The following NPAS3 variants were observed in gnomAD, a reference collection of about 807,000 sequenced individuals.
The protein encoded by NPAS3 is neuronal PAS domain protein 3, also known as neuronal PAS domain-containing protein 3.
Under a neutral mutation model 73.1 loss-of-function variants are expected in NPAS3, and 14 were observed. The observed-to-expected ratio is 0.19, with a 90% CI of 0.13 to 0.30. The LOEUF (loss-of-function observed/expected upper bound fraction) is 0.30. Among genes scored for constraint, NPAS3 ranks in the 10% least tolerant of loss-of-function variants. The probability of loss-of-function intolerance (pLI) is 1.00; values close to 1 mark genes in which losing one functional copy is unlikely to be tolerated. For synonymous variants in NPAS3, 620 were observed against 541.5 expected, an observed-to-expected ratio of 1.14 and a Z score of -2.01; for missense variants, 1,096 against 1,250.0, an observed-to-expected ratio of 0.88 and a Z score of 1.86.
intron 2 of NPAS3, among the ~76,000 whole-genome samples, chr14:33,096,095 A>C (rs2042411590): frequency 6.9e-6 from 1 of 144,626 alleles, no homozygotes; most frequent in Non-Finnish European, 1.5e-5. Context: ...GGAAACTTTC[A>C]CCCTCCCCTT....
At chr14:33,308,522 A>ATG (rs2042852948) in intron 3 of NPAS3, among the ~76,000 whole-genome samples, 2 of 60,132 alleles carry the variant, frequency 3.3e-5, no homozygotes, top group Non-Finnish European at 6.6e-5. Context: ...ATATATATAT[A>ATG]TATATACATA....
intron 4 of NPAS3, among the ~76,000 whole-genome samples, chr14:33,373,105 A>C (rs181216425): frequency 1.2e-4 from 19 of 152,376 alleles, no homozygotes; most frequent in African/African-American, 4.6e-4. Context: ...AAGTCATAAA[A>C]TTAACTACTG....
intron 1 of NPAS3, among the ~76,000 whole-genome samples, chr14:32,995,539 ATCTTGTAAG>A: frequency 6.6e-6 from 1 of 152,314 alleles, no homozygotes; most frequent in African/African-American, 2.4e-5. Flanking sequence ...CCCAAATCTC[ATCTTGTAAG>A]TCTCACAATT....
chr14:33,673,263 G>A (rs2059663233), intron 5 of NPAS3, among the ~76,000 whole-genome samples: 1 of 152,168 alleles, frequency 6.6e-6, no homozygotes, highest in Admixed American at 6.5e-5. Context: ...AGGTCAAGTG[G>A]GCTCTGAACC....
chr14:33,442,221 A>T (rs1051773650), intron 4 of NPAS3, among the ~76,000 whole-genome samples: 5 of 152,156 alleles, frequency 3.3e-5, no homozygotes, highest in East Asian at 1.9e-4. Context: ...TTTAGCAGCC[A>T]CTTCACTGTT....
chr14:33,655,135 C>T (rs147631990), intron 5 of NPAS3, among the ~76,000 whole-genome samples: 741 of 152,132 alleles, frequency 4.9e-3, no homozygotes, highest in Middle Eastern at 0.017. Flanking sequence ...TATACATGAA[C>T]CTGGAGGGAA....
intron 6 of NPAS3, among the ~76,000 whole-genome samples, chr14:33,690,202 G>C (rs2060196921): frequency 6.6e-6 from 1 of 152,100 alleles, no homozygotes; most frequent in Non-Finnish European, 1.5e-5. Context: ...AGAATGGTGT[G>C]GCGGTACTCG....
chr14:33,557,164 G>A (rs1207264450), intron 4 of NPAS3, among the ~76,000 whole-genome samples: 1 of 125,864 alleles, frequency 7.9e-6, no homozygotes, highest in Non-Finnish European at 1.7e-5. Context: ...CTGCTTCAAA[G>A]TGAGGTTCCG....
chr14:33,469,724 CT>C (rs1444048164), intron 4 of NPAS3, among the ~76,000 whole-genome samples: 1 of 152,086 alleles, frequency 6.6e-6, no homozygotes, highest in Non-Finnish European at 1.5e-5. Flanking sequence ...TGAACACTCT[CT>C]TCTTAATTTG....
At chr14:33,165,963 T>C (rs2045124495) in intron 2 of NPAS3, among the ~76,000 whole-genome samples, 1 of 152,182 alleles carries the variant, frequency 6.6e-6, no homozygotes, top group Non-Finnish European at 1.5e-5. Context: ...ATAGAAGAAT[T>C]GTCCTGCCTT....
intron 2 of NPAS3, among the ~76,000 whole-genome samples, chr14:33,150,379 C>A (rs1188116960): frequency 1.3e-5 from 2 of 152,316 alleles, no homozygotes; most frequent in East Asian, 3.9e-4. Context: ...AAGACTCAAG[C>A]AAACCATTGT....
At chr14:33,754,451 C>T (rs1200419159) in intron 7 of NPAS3, among the ~76,000 whole-genome samples, 3 of 152,156 alleles carry the variant, frequency 2.0e-5, no homozygotes, top group African/African-American at 7.2e-5. Flanking sequence ...CCTCTCTGAC[C>T]TCATGTTCGT....
chr14:32,942,853 T>C (rs1328964938), intron 1 of NPAS3, among the ~76,000 whole-genome samples: 1 of 152,146 alleles, frequency 6.6e-6, no homozygotes, highest in African/African-American at 2.4e-5. Flanking sequence ...GGCCTTCATA[T>C]CACAAGGCCA....
At chr14:33,052,304 C>T (rs1246719178) in intron 1 of NPAS3, among the ~76,000 whole-genome samples, 1 of 152,134 alleles carries the variant, frequency 6.6e-6, no homozygotes, top group Non-Finnish European at 1.5e-5. Context: ...CAGTTGTTCT[C>T]TGGTAGCTTA....
intron 5 of NPAS3, among the ~76,000 whole-genome samples, chr14:33,633,043 C>A (rs556357912): frequency 1.1e-4 from 16 of 152,230 alleles, no homozygotes; most frequent in African/African-American, 3.1e-4. Context: ...TAAAAAATAA[C>A]ACAAGTTTAA....
At chr14:33,268,774 T>C (rs960752145) in intron 3 of NPAS3, among the ~76,000 whole-genome samples, 2 of 152,180 alleles carry the variant, frequency 1.3e-5, no homozygotes, top group African/African-American at 2.4e-5. Context: ...TACTGGAAAA[T>C]TGAAAGCTCA....
At chr14:33,268,211 C>T (rs1296361233) in intron 3 of NPAS3, among the ~76,000 whole-genome samples, 1 of 152,074 alleles carries the variant, frequency 6.6e-6, no homozygotes, top group Non-Finnish European at 1.5e-5. Context: ...AGCATTTCTG[C>T]TGCCTTTTTG....
chr14:32,968,369 T>TA (rs1413354457), intron 1 of NPAS3, among the ~76,000 whole-genome samples: 1 of 152,152 alleles, frequency 6.6e-6, no homozygotes, highest in Non-Finnish European at 1.5e-5. Flanking sequence ...ATGTGTCAAT[T>TA]AAAAATAAAA....
intron 2 of NPAS3, among the ~76,000 whole-genome samples, chr14:33,188,122 G>T (rs1360397487): frequency 6.6e-6 from 1 of 152,208 alleles, no homozygotes; most frequent in Non-Finnish European, 1.5e-5. Context: ...GTGCCTCCCT[G>T]CATCCTAATG....
Sources: gnomAD v4.1 joint callset for allele counts (sites outside exome capture counted in the v4.1 genomes callset) on GRCh38, gnomAD v4.1.1 for gene constraint, MANE v1.5 for transcripts, NCBI Gene and HGNC (gene_info 2026-07-23, HGNC 2026-07-21) for gene names.